The following SOX5 variants were observed in gnomAD, a reference collection of about 807,000 sequenced individuals.
The protein encoded by SOX5 is SRY-box transcription factor 5.
Under a neutral mutation model 92.0 loss-of-function variants are expected in SOX5, and 9 were observed. The ratio of observed to expected loss-of-function variants is 0.10; its 90% CI spans 0.06 to 0.17. The LOEUF is 0.17. Among genes scored for constraint, SOX5 ranks in the 10% least tolerant of loss-of-function variants. SOX5 has a pLI of 1.00. For synonymous variants in SOX5, 344 were observed against 336.3 expected, an observed-to-expected ratio of 1.02 and a Z score of -0.25; for missense variants, 642 against 944.5, an observed-to-expected ratio of 0.68 and a Z score of 4.20.
chr12:24,430,692 T>A (rs1566144602), intron 1 of SOX5, among the ~76,000 whole-genome samples: 1 of 152,152 alleles, frequency 6.6e-6, no homozygotes, highest in Non-Finnish European at 1.5e-5. Context: ...AGGACTCAAA[T>A]ATTCACTTGG....
intron 1 of SOX5, among the ~76,000 whole-genome samples, chr12:24,484,037 T>G (rs1267143708): frequency 6.6e-6 from 1 of 152,202 alleles, no homozygotes; most frequent in Non-Finnish European, 1.5e-5. Flanking sequence ...GTGAGAAATT[T>G]GCAACGTTTA....
chr12:23,853,936 C>A (rs970859499), intron 2 of SOX5, among the ~76,000 whole-genome samples: 1 of 152,088 alleles, frequency 6.6e-6, no homozygotes, highest in African/African-American at 2.4e-5. Flanking sequence ...TTCCTTTTAA[C>A]ATTTGTAATA....
At chr12:24,056,256 C>A (rs1032936675) in intron 4 of SOX5, among the ~76,000 whole-genome samples, 3 of 152,192 alleles carry the variant, frequency 2.0e-5, no homozygotes, top group Admixed American at 6.5e-5. Context: ...AGAGACCCAC[C>A]ATGTAGATCC....
chr12:24,125,887 C>G (rs7979575), intron 4 of SOX5, among the ~76,000 whole-genome samples: 118,939 of 152,072 alleles, frequency 0.78, 46,826 homozygotes, highest in Non-Finnish European at 0.83. Context: ...CTTCCCAGGA[C>G]GAAGAGTGGA....
intron 1 of SOX5, among the ~76,000 whole-genome samples, chr12:24,424,896 C>T (rs1369083682): frequency 1.3e-5 from 2 of 149,622 alleles, no homozygotes; most frequent in Admixed American, 6.7e-5. Context: ...AGCTGACATA[C>T]TGGGGAGACC....
Position 23,793,968 on chromosome 12 carries a change from G to C in SOX5, c.482-38244C>G, listed in dbSNP as rs1160493006. On this transcript the variant is annotated intron_variant, in intron 3 of 14. Coordinates refer to ENST00000451604, the MANE Select transcript of SOX5 (RefSeq NM_006940.6). ...TCTCCAGGTCTGTTACCATCACAGG[G>C]TATGGTGACTATGGCATATTTGTTT... Among the ~76,000 whole-genome samples, 8 of 152,236 alleles carry C rather than the reference G, an allele frequency of 5.3e-5. No homozygotes were observed. In the East Asian group the frequency reaches 1.5e-3, roughly 29 times the overall value.
intron 2 of SOX5, among the ~76,000 whole-genome samples, chr12:24,344,231 C>T (rs941776228): frequency 7.8e-5 from 11 of 141,238 alleles, no homozygotes; most frequent in Admixed American, 6.0e-4. Context: ...TGCAGTGAGC[C>T]GAGATCGTGC....
intron 4 of SOX5, among the ~76,000 whole-genome samples, chr12:24,150,100 T>C (rs984304595): frequency 6.6e-6 from 1 of 152,194 alleles, no homozygotes; most frequent in Admixed American, 6.5e-5. Context: ...TGTCAATACT[T>C]ACCAAATTGT....
intron 4 of SOX5, among the ~76,000 whole-genome samples, chr12:24,170,682 T>C (rs376625727): frequency 1.2e-4 from 19 of 152,214 alleles, no homozygotes; most frequent in African/African-American, 4.3e-4. Flanking sequence ...TGATTTGTAA[T>C]AGATAAATTA....
chr12:23,850,540 G>A (rs2096622403), intron 2 of SOX5, among the ~76,000 whole-genome samples: 1 of 151,332 alleles, frequency 6.6e-6, no homozygotes, highest in African/African-American at 2.4e-5. Context: ...TATAATATTT[G>A]GCTATTCCTT....
rs1950631536 is a variant in SOX5 at position 24,325,900 on chromosome 12, A to G, written c.-174+42663T>C. ...CATACTAGGGGTTGCGCACACGTGCACGCGCGCGCGTGTGTGTGTATGTTA... is the reference window on the plus strand; with the variant it reads ...CATACTAGGGGTTGCGCACACGTGCGCGCGCGCGCGTGTGTGTGTATGTTA... On this transcript the variant is annotated intron_variant, in intron 2 of 4. Coordinates refer to the SOX5 transcript ENST00000446891. Among the ~76,000 whole-genome samples the G allele has an allele frequency of 2.0e-5, 3 of 152,198 alleles. No individual in the cohort carries two copies. The South Asian group carries it at 6.2e-4, about 32-fold the overall frequency.
chr12:23,549,015 A>C (rs1307300033), intron 11 of SOX5, among the ~76,000 whole-genome samples: 1 of 151,992 alleles, frequency 6.6e-6, no homozygotes, highest in Non-Finnish European at 1.5e-5. Flanking sequence ...CCCTCTCTGA[A>C]AGAGTTCACC....
chr12:23,923,083 C>A (rs960032822), intron 1 of SOX5, among the ~76,000 whole-genome samples: 1 of 151,766 alleles, frequency 6.6e-6, no homozygotes, highest in Non-Finnish European at 1.5e-5. Context: ...GTAGCTGGGA[C>A]TACAGGCGCC....
intron 1 of SOX5, among the ~76,000 whole-genome samples, chr12:24,473,331 C>T (rs966987635): frequency 3.9e-5 from 6 of 152,146 alleles, no homozygotes; most frequent in African/African-American, 1.4e-4. Flanking sequence ...TTTCAAGCTA[C>T]CCTGCCCCCA....
intron 2 of SOX5, among the ~76,000 whole-genome samples, chr12:24,280,262 T>C (rs562581666): frequency 3.6e-4 from 55 of 152,232 alleles, no homozygotes; most frequent in African/African-American, 1.1e-3. Context: ...GAGGGAAAGA[T>C]TGGTGGCTGC....
At chr12:23,773,397 A>G (rs2094997346) in intron 3 of SOX5, among the ~76,000 whole-genome samples, 3 of 152,228 alleles carry the variant, frequency 2.0e-5, no homozygotes, top group South Asian at 4.2e-4. Context: ...ATTGAGACAG[A>G]GTCTCACTCT....
At chr12:24,423,708 TTTCTA>T (rs1966282692) in intron 1 of SOX5, among the ~76,000 whole-genome samples, 1 of 152,216 alleles carries the variant, frequency 6.6e-6, no homozygotes. Context: ...GTCCCAAATA[TTTCTA>T]TTCATCTGAT....
Position 23,556,443 on chromosome 12 carries a change from A to T in SOX5, c.1488+6815T>A, listed in dbSNP as rs141047524. 2.4e-3 allele frequency among the ~76,000 whole-genome samples: 359 copies of T among 152,336 alleles called. 3 individuals are homozygous for T. The highest frequency in any genetic ancestry group is 4.1e-3 in the Non-Finnish European group (280 of 68,032). On this transcript the variant is annotated intron_variant, in intron 11 of 14. Transcript: ENST00000451604. ...GCTCACTTTAAAACGAGAAAATATT[A>T]ATCACTTGTGTTATTTTAATTTGTT...
intron 2 of SOX5, among the ~76,000 whole-genome samples, chr12:24,301,737 A>T (rs1947977916): frequency 6.6e-6 from 1 of 152,134 alleles, no homozygotes; most frequent in Non-Finnish European, 1.5e-5. Flanking sequence ...GTAAATTTGT[A>T]CTGTCCTGGG....
Sources: gnomAD v4.1 joint callset for allele counts (sites outside exome capture counted in the v4.1 genomes callset) on GRCh38, gnomAD v4.1.1 for gene constraint, MANE v1.5 for transcripts, NCBI Gene and HGNC (gene_info 2026-07-23, HGNC 2026-07-21) for gene names.